KCNQ5: variants seen among roughly 807,000 people sequenced by gnomAD.
KCNQ5 encodes potassium voltage-gated channel subfamily KQT member 5.
KCNQ5 carries 30 observed loss-of-function variants against 98.2 expected under a neutral mutation model. That is an observed-to-expected ratio of 0.31 (90% confidence interval 0.23 to 0.41). The LOEUF (loss-of-function observed/expected upper bound fraction) is 0.41. KCNQ5 is among the 10% of genes least tolerant of loss of function. The pLI, the probability that KCNQ5 is intolerant of heterozygous loss-of-function variation, is 1.00. For synonymous variants in KCNQ5, 458 were observed against 449.4 expected (o/e 1.02, Z -0.24); for missense variants, 835 against 1,182.5 (o/e 0.71, Z 4.31).
At chr6:72,670,628 G>A (rs1312642984) in intron 1 of KCNQ5, among the ~76,000 whole-genome samples, 1 of 152,154 alleles carries the variant, frequency 6.6e-6, no homozygotes, top group Non-Finnish European at 1.5e-5. Context: ...TCACAGTTCT[G>A]GATGCTAGAA....
chr6:73,040,107 T>C (rs942244130), intron 2 of KCNQ5, among the ~76,000 whole-genome samples: 2 of 152,188 alleles, frequency 1.3e-5, no homozygotes, highest in Non-Finnish European at 2.9e-5. Flanking sequence ...CCTGCCTTAC[T>C]GCAGCAGAGG....
intron 1 of KCNQ5, among the ~76,000 whole-genome samples, chr6:72,829,382 C>G (rs994954127): frequency 1.3e-5 from 2 of 152,110 alleles, no homozygotes; most frequent in African/African-American, 4.8e-5. Context: ...TATAAAGGAG[C>G]ATTTTTGGTT....
chr6:72,917,914 G>A (rs1430916856), intron 1 of KCNQ5, among the ~76,000 whole-genome samples: 3 of 152,066 alleles, frequency 2.0e-5, no homozygotes, highest in African/African-American at 4.8e-5. Context: ...TGACATTTGG[G>A]CCAGGTGTTT....
intron 1 of KCNQ5, among the ~76,000 whole-genome samples, chr6:72,747,875 T>C (rs1771484866): frequency 6.6e-6 from 1 of 152,170 alleles, no homozygotes; most frequent in South Asian, 2.1e-4. Flanking sequence ...GGTTTATAAA[T>C]AAAGAAAAGG....
At chr6:72,775,875 TC>T (rs1445219399) in intron 1 of KCNQ5, among the ~76,000 whole-genome samples, 1 of 152,062 alleles carries the variant, frequency 6.6e-6, no homozygotes, top group Admixed American at 6.6e-5. Flanking sequence ...GCCAAGAATA[TC>T]CTAGGAGACA....
At chr6:73,113,779 G>A (rs73753259) in intron 7 of KCNQ5, among the ~76,000 whole-genome samples, 4,475 of 152,352 alleles carry the variant, frequency 0.029, 212 homozygotes, top group African/African-American at 0.1. Flanking sequence ...TAACCCTGTG[G>A]AGGACAGGCT....
At chr6:72,869,808 C>T (rs938880966) in intron 1 of KCNQ5, among the ~76,000 whole-genome samples, 1 of 152,124 alleles carries the variant, frequency 6.6e-6, no homozygotes, top group African/African-American at 2.4e-5. Flanking sequence ...GGCCCAGTGT[C>T]GGGTCAAAGC....
chr6:72,637,467 A>G (rs963621658), intron 1 of KCNQ5, among the ~76,000 whole-genome samples: 2 of 152,080 alleles, frequency 1.3e-5, no homozygotes, highest in African/African-American at 4.8e-5. Flanking sequence ...CATTTGTTCA[A>G]CTTTCTCCAG....
At chr6:72,698,004 C>T (rs1768590080) in intron 1 of KCNQ5, among the ~76,000 whole-genome samples, 2 of 152,218 alleles carry the variant, frequency 1.3e-5, no homozygotes, top group South Asian at 4.2e-4. Flanking sequence ...TTACTTGAGT[C>T]CACTAGTTCA....
chr6:73,177,221 G>T (rs892308562), intron 11 of KCNQ5, among the ~76,000 whole-genome samples: 4 of 152,210 alleles, frequency 2.6e-5, no homozygotes, highest in Admixed American at 2.6e-4. Flanking sequence ...AAGGAAAAGG[G>T]TTTGAAGCCA....
At chr6:72,937,621 A>G (rs1371860632) in intron 1 of KCNQ5, among the ~76,000 whole-genome samples, 1 of 152,196 alleles carries the variant, frequency 6.6e-6, no homozygotes, top group African/African-American at 2.4e-5. Context: ...CTCTCCCAAA[A>G]TGAAGAACAA....
chr6:73,039,497 C>G (rs1205062731), intron 2 of KCNQ5, among the ~76,000 whole-genome samples: 2 of 152,048 alleles, frequency 1.3e-5, no homozygotes, highest in East Asian at 3.9e-4. Context: ...TTACTGCATC[C>G]TACATATTTT....
chr6:73,052,681 G>A (rs1373254511), intron 3 of KCNQ5, among the ~76,000 whole-genome samples: 1 of 152,184 alleles, frequency 6.6e-6, no homozygotes, highest in Non-Finnish European at 1.5e-5. Context: ...TTTCAGGCGA[G>A]CAAATGCTAA....
chr6:72,777,125 C>G (rs950901905), intron 1 of KCNQ5, among the ~76,000 whole-genome samples: 11 of 152,148 alleles, frequency 7.2e-5, no homozygotes, highest in Non-Finnish European at 8.8e-5. Context: ...AATGCTAGAT[C>G]CTGGAGAGGA....
intron 11 of KCNQ5, 50 bp downstream of exon 11, chr6:73,169,904 T>C (rs1197163546): frequency 1.7e-6 from 2 of 1,179,474 alleles, no homozygotes; most frequent in African/African-American, 1.5e-5. Flanking sequence ...TTATGATTAA[T>C]TGAATTACTA....
intron 1 of KCNQ5, among the ~76,000 whole-genome samples, chr6:72,667,060 T>G (rs1376079389): frequency 6.7e-6 from 1 of 148,810 alleles, no homozygotes; most frequent in Non-Finnish European, 1.5e-5. Context: ...AAATGAAATA[T>G]TTTTTTTTTT....
chr6:72,849,492 T>A (rs1044175658), intron 1 of KCNQ5, among the ~76,000 whole-genome samples: 1 of 152,178 alleles, frequency 6.6e-6, no homozygotes, highest in African/African-American at 2.4e-5. Context: ...TATTTCTGAT[T>A]CCTCAAAAGG....
At chr6:72,957,122 T>C in intron 1 of KCNQ5, among the ~76,000 whole-genome samples, 1 of 149,186 alleles carries the variant, frequency 6.7e-6, no homozygotes, top group South Asian at 2.1e-4. Flanking sequence ...TGAGTAAGGG[T>C]GGACCTAGAG....
At chr6:72,906,483 C>T (rs758773857) in intron 1 of KCNQ5, among the ~76,000 whole-genome samples, 5 of 152,200 alleles carry the variant, frequency 3.3e-5, no homozygotes, top group Non-Finnish European at 7.3e-5. Context: ...TGGTGCTTTC[C>T]CTCTGCCTCT....
Sources: allele counts gnomAD v4.1 joint callset (sites outside exome capture counted in the v4.1 genomes callset), GRCh38; gene constraint gnomAD v4.1.1; transcripts MANE v1.5; gene names NCBI Gene and HGNC (gene_info 2026-07-23, HGNC 2026-07-21).